GLDC: variants seen among roughly 807,000 people sequenced by gnomAD.
The protein encoded by GLDC is glycine decarboxylase.
A neutral mutation model predicts 121.3 loss-of-function variants in GLDC; 104 were observed. That is an observed-to-expected ratio of 0.86 (90% CI 0.73 to 1.01). The LOEUF is 1.01. Among genes scored for constraint, GLDC ranks in the 50% least tolerant of loss-of-function variants. GLDC has a pLI of 0.00. For missense variants in GLDC, 1,429 were observed against 1,306.6 expected, an observed-to-expected ratio of 1.09 and a Z score of -1.44; for synonymous variants, 546 against 480.6, an observed-to-expected ratio of 1.14 and a Z score of -1.78.
intron 3 of GLDC, among the ~76,000 whole-genome samples, chr9:6,611,641 T>C (rs10975689): frequency 0.084 from 12,855 of 152,194 alleles, 909 homozygotes; most frequent in African/African-American, 0.19. Context: ...GAATGCATAG[T>C]ATTATATTCA....
At chr9:6,637,395 G>GAC (rs1209897707) in intron 2 of GLDC, among the ~76,000 whole-genome samples, 1 of 137,888 alleles carries the variant, frequency 7.3e-6, no homozygotes, top group Non-Finnish European at 1.5e-5. Context: ...ATAAGAGCGA[G>GAC]ACTTCTCTCA....
chr9:6,643,146 C>A (rs1481422586), intron 2 of GLDC, among the ~76,000 whole-genome samples: 7 of 152,080 alleles, frequency 4.6e-5, no homozygotes, highest in Admixed American at 4.6e-4. Context: ...GATCCACCTG[C>A]CTAGACCTCC....
chr9:6,533,912 C>T (rs1033961635), intron 24 of GLDC, among the ~76,000 whole-genome samples: 1 of 147,684 alleles, frequency 6.8e-6, no homozygotes, highest in African/African-American at 2.5e-5. Context: ...AAAATTTGAA[C>T]GATTAAAAAA....
chr9:6,562,965 C>A (rs886804446), intron 16 of GLDC, among the ~76,000 whole-genome samples: 12 of 152,218 alleles, frequency 7.9e-5, no homozygotes, highest in African/African-American at 2.7e-4. Context: ...CTCCCTTTCC[C>A]CCTCTCCCTG....
At chr9:6,562,620 T>C (rs1587929806) in intron 16 of GLDC, among the ~76,000 whole-genome samples, 1 of 152,138 alleles carries the variant, frequency 6.6e-6, no homozygotes, top group Admixed American at 6.5e-5. Flanking sequence ...AGTGCAGTGG[T>C]GCGATCTCAG....
rs201599889 is a variant in GLDC at position 6,556,130 on chromosome 9, G to C, written c.2202+23C>G. 6.3e-6 allele frequency: 10 copies of C among 1,596,214 alleles called. No homozygotes were observed. The East Asian group carries it at 1.6e-4, about 25-fold the overall frequency. ...TATCCATTTTCTCAGTGGGAACTAA[G>C]GGCGGGCCTCTTCAGTTCCCACCTG... is the stretch of plus-strand genomic sequence containing the variant. On this transcript the variant is annotated intron_variant, in intron 18 of 24. Coordinates refer to ENST00000321612, the MANE Select transcript of GLDC (RefSeq NM_000170.3).
chr9:6,639,154 C>G, intron 2 of GLDC: 1 of 760,628 alleles, frequency 1.3e-6, no homozygotes. Context: ...GCGCCGAAAG[C>G]GAAGAAGGAA....
At chr9:6,599,489 G>A (rs762667800) in intron 8 of GLDC, among the ~76,000 whole-genome samples, 17 of 152,170 alleles carry the variant, frequency 1.1e-4, no homozygotes, top group Non-Finnish European at 2.4e-4. Context: ...TTGGGAGGCC[G>A]AGGTGGGCAG....
intron 15 of GLDC, among the ~76,000 whole-genome samples, chr9:6,576,459 T>A (rs189299906): frequency 5.4e-4 from 82 of 152,260 alleles, no homozygotes; most frequent in African/African-American, 2.0e-3. Context: ...TTATAATTTA[T>A]TTTTTTCTTC....
intron 2 of GLDC, among the ~76,000 whole-genome samples, chr9:6,628,414 C>G (rs1819291702): frequency 1.3e-5 from 2 of 152,200 alleles, no homozygotes; most frequent in South Asian, 4.1e-4. Flanking sequence ...CTCCTGTGCA[C>G]AAGCCTAATT....
At chr9:6,596,249 T>C (rs958376812) in intron 8 of GLDC, among the ~76,000 whole-genome samples, 2 of 152,176 alleles carry the variant, frequency 1.3e-5, no homozygotes, top group African/African-American at 2.4e-5. Context: ...TAGAGGTTGG[T>C]TCATGTCCCT....
chr9:6,609,939 C>T (rs181017770), intron 4 of GLDC, among the ~76,000 whole-genome samples: 397 of 152,190 alleles, frequency 2.6e-3, no homozygotes, highest in African/African-American at 8.5e-3. Flanking sequence ...CTTTACCCCT[C>T]GCCTGCCAAC....
intron 15 of GLDC, among the ~76,000 whole-genome samples, chr9:6,577,471 A>C (rs909271083): frequency 2.0e-5 from 3 of 152,214 alleles, no homozygotes; most frequent in Non-Finnish European, 2.9e-5. Context: ...CCAGGTGCAA[A>C]TGAGCCTATA....
chr9:6,634,310 G>A (rs567092608), intron 2 of GLDC, among the ~76,000 whole-genome samples: 78 of 152,044 alleles, frequency 5.1e-4, no homozygotes, highest in Admixed American at 4.6e-4. Flanking sequence ...CAGGCGGGTT[G>A]CTTGAGCTCG....
In GLDC at chr9:6,565,458, G is replaced by A. The variant is rs768307302; in HGVS notation, c.1851-29C>T. 6.3e-5 allele frequency: 98 copies of A among 1,545,590 alleles called. 1 individual carries two copies. The highest frequency in any genetic ancestry group is 7.0e-5 in the Non-Finnish European group (78 of 1,117,474). On this transcript the variant is annotated intron_variant, in intron 15 of 24. Transcript: ENST00000321612. ...GCAAAGACAAGAAGAAAGGGATCAC[G>A]GTTAGGTCTTCTGGCTTTCATTTAC... is the stretch of plus-strand genomic sequence containing the variant.
chr9:6,576,776 G>T (rs773115822), intron 15 of GLDC, among the ~76,000 whole-genome samples: 168 of 152,126 alleles, frequency 1.1e-3, no homozygotes, highest in Non-Finnish European at 1.9e-3. Context: ...CTGGAGTTAG[G>T]ATTTCAACAG....
chr9:6,554,715 A>C lies in GLDC; in HGVS notation c.2269T>G (p.Cys757Gly). The change falls in exon 19 of 25, where the codon TGC (cysteine) becomes GGC (glycine). Residue 757 changes from cysteine to glycine, a missense_variant. Transcript: ENST00000321612. The stretch of plus-strand genomic sequence containing the variant: ...GGACCACCTCCTCCGTGGGGAATGC[A>C]GAAGGTCTTGTGAAGATTTAGGTGC... ...VSHLNLHKTF[C>G]IPHGGGGPGM... 1 of 1,613,056 alleles carries C rather than the reference A, an allele frequency of 6.2e-7. No individual in the cohort carries two copies. The highest frequency in any genetic ancestry group is 8.5e-7 in the Non-Finnish European group (1 of 1,179,946).
chr9:6,605,533 C>A (rs529620369), intron 5 of GLDC, among the ~76,000 whole-genome samples: 2 of 152,184 alleles, frequency 1.3e-5, no homozygotes, highest in African/African-American at 4.8e-5. Flanking sequence ...ACAATCTACT[C>A]CTCAGAGAGG....
chr9:6,616,180 G>A (rs1818964066), intron 3 of GLDC, among the ~76,000 whole-genome samples: 1 of 152,148 alleles, frequency 6.6e-6, no homozygotes, highest in Non-Finnish European at 1.5e-5. Context: ...AGTTTTTAAA[G>A]CATATGCTGA....
Sources: allele counts gnomAD v4.1 joint callset (sites outside exome capture counted in the v4.1 genomes callset), GRCh38; gene constraint gnomAD v4.1.1; transcripts MANE v1.5; gene names NCBI Gene and HGNC (gene_info 2026-07-23, HGNC 2026-07-21).